DCP1A: variants seen among roughly 807,000 people sequenced by gnomAD.
DCP1A encodes decapping mRNA 1A.
Under a neutral mutation model 58.0 loss-of-function variants are expected in DCP1A, and 20 were observed. The observed-to-expected ratio is 0.34, with a 90% CI of 0.24 to 0.50. DCP1A has a LOEUF of 0.50. Ranked by LOEUF, DCP1A falls within the 20% of genes least tolerant of loss-of-function variation. The pLI is 0.98. For synonymous variants in DCP1A, 285 were observed against 275.1 expected, an observed-to-expected ratio of 1.04 and a Z score of -0.36; for missense variants, 613 against 712.2, an observed-to-expected ratio of 0.86 and a Z score of 1.59.
chr3:53,338,378 T>C (rs2089150740), intron 3 of DCP1A, among the ~76,000 whole-genome samples: 1 of 147,526 alleles, frequency 6.8e-6, no homozygotes, highest in Admixed American at 6.7e-5. Flanking sequence ...AGCCCAGGAG[T>C]TCAAGACCAG....
intron 4 of DCP1A, among the ~76,000 whole-genome samples, chr3:53,317,484 A>G (rs556416302): frequency 4.3e-4 from 65 of 152,180 alleles, no homozygotes; most frequent in Non-Finnish European, 1.3e-4. Flanking sequence ...TCTTCTAGGT[A>G]ACCACAAGTA....
chr3:53,298,342 G>A (rs1036245365), intron 6 of DCP1A, among the ~76,000 whole-genome samples: 8 of 152,168 alleles, frequency 5.3e-5, no homozygotes, highest in East Asian at 1.9e-4. Context: ...TAACTACTGC[G>A]AGGCCAGACA....
In DCP1A at chr3:53,332,301, T is replaced by A. The variant is rs568515514; in HGVS notation, c.304+9843A>T. On this transcript the variant is annotated intron_variant, in intron 3 of 9. Coordinates refer to ENST00000610213, the MANE Select transcript of DCP1A (RefSeq NM_018403.7). ...TTTTTAGTCTATTGGCCCAATTATT[T>A]TATTTATGAGTCCATTCAAATCTAT... is the stretch of plus-strand genomic sequence containing the variant. 2.6e-5 allele frequency among the ~76,000 whole-genome samples: 4 copies of A among 152,350 alleles called. No individual in the cohort carries two copies. In the South Asian group the frequency reaches 8.3e-4, roughly 32 times the overall value.
chr3:53,296,372 T>C (rs1305509922), intron 6 of DCP1A, among the ~76,000 whole-genome samples: 3 of 152,194 alleles, frequency 2.0e-5, no homozygotes, highest in African/African-American at 7.2e-5. Flanking sequence ...GACACAGCTG[T>C]CTGGTAATAT....
At chr3:53,307,833 A>G (rs1350794279) in intron 5 of DCP1A, among the ~76,000 whole-genome samples, 1 of 152,234 alleles carries the variant, frequency 6.6e-6, no homozygotes, top group African/African-American at 2.4e-5. Context: ...ATTTAGCTAT[A>G]AGGATATATC....
At chr3:53,318,050 T>C (rs1156662906) in intron 4 of DCP1A, among the ~76,000 whole-genome samples, 1 of 152,250 alleles carries the variant, frequency 6.6e-6, no homozygotes, top group Non-Finnish European at 1.5e-5. Context: ...ACGCCTATAA[T>C]CCCAGCACTT....
intron 5 of DCP1A, among the ~76,000 whole-genome samples, chr3:53,304,588 TC>T (rs1335726360): frequency 6.6e-6 from 1 of 152,200 alleles, no homozygotes; most frequent in Non-Finnish European, 1.5e-5. Flanking sequence ...TATTTGTTTT[TC>T]CAAGATGGAG....
intron 4 of DCP1A, 120 bp from the exon 5 acceptor site, chr3:53,312,499 T>C (rs1236032277): frequency 4.2e-5 from 36 of 856,568 alleles, no homozygotes; most frequent in South Asian, 3.2e-4. Context: ...ATTCTTCTTT[T>C]TTTTTTTTTT....
At position 53,292,573 on chromosome 3, in the gene DCP1A, T is replaced by C. The variant is rs1706941702; in HGVS notation, c.879A>G (p.Leu293=). The C allele has an allele frequency of 6.2e-7, 1 of 1,613,910 alleles. No homozygotes were observed. The highest frequency in any genetic ancestry group is 8.5e-7 in the Non-Finnish European group (1 of 1,179,868). The change falls in exon 7 of 10, where the codon CTA becomes CTG. Residue 293 remains leucine, a synonymous_variant. Transcript: ENST00000610213. ...ACTGTGTGATGGAGGCTGGAGTGAT[T>C]AGCACCGGGGTGGTGATTTCAGGCT... The part of the protein sequence containing the change: ...SVQPEITTPV[L]ITPASITQSN...
intron 4 of DCP1A, among the ~76,000 whole-genome samples, chr3:53,316,376 A>T (rs1456771923): frequency 6.6e-6 from 1 of 152,150 alleles, no homozygotes; most frequent in Non-Finnish European, 1.5e-5. Context: ...CTTCAGCTAT[A>T]AATAGGCCAG....
chr3:53,295,698 T>C (rs1297156843), intron 6 of DCP1A, among the ~76,000 whole-genome samples: 2 of 152,154 alleles, frequency 1.3e-5, no homozygotes, highest in Non-Finnish European at 2.9e-5. Flanking sequence ...ATGATCAGTT[T>C]ATTTTTAAAT....
At chr3:53,315,478 A>G (rs7374211) in intron 4 of DCP1A, among the ~76,000 whole-genome samples, 118,027 of 148,118 alleles carry the variant, frequency 0.8, 47,755 homozygotes, top group African/African-American at 0.92. Context: ...GGCGGAGGTT[A>G]CAGTGAACCC....
At chr3:53,293,735 C>T (rs937488911) in intron 6 of DCP1A, among the ~76,000 whole-genome samples, 1 of 152,258 alleles carries the variant, frequency 6.6e-6, no homozygotes, top group East Asian at 1.9e-4. Context: ...AAGTACACTG[C>T]AAATTAGTAT....
chr3:53,297,222 T>C (rs1707157048), intron 6 of DCP1A, among the ~76,000 whole-genome samples: 1 of 152,214 alleles, frequency 6.6e-6, no homozygotes, highest in South Asian at 2.1e-4. Flanking sequence ...TTTGTATACC[T>C]TATATGGAGA....
rs1417810585 is a variant in DCP1A at position 53,327,797 on chromosome 3, AC to A, written c.305-8325del. Among the ~76,000 whole-genome samples the A allele has an allele frequency of 1.8e-3, 148 of 84,342 alleles. 1 individual carries two copies. The highest frequency in any genetic ancestry group is 5.4e-3 in the African/African-American group (147 of 27,134). 55.3% of individuals were successfully genotyped at this position (84,342 alleles called of 152,430 possible). On this transcript the variant is annotated intron_variant, in intron 3 of 9. Coordinates refer to ENST00000610213, the MANE Select transcript of DCP1A (RefSeq NM_018403.7). ...CAGAGCAAGATTCCACCTCAAAAAA[AC>A]AAAACAAAACAACAACAAAAAAACA...
At chr3:53,315,641 C>A (rs1707780235) in intron 4 of DCP1A, among the ~76,000 whole-genome samples, 1 of 151,182 alleles carries the variant, frequency 6.6e-6, no homozygotes, top group Non-Finnish European at 1.5e-5. Context: ...CACCACTGAC[C>A]AGAGAATATA....
At chr3:53,336,844 A>AGATTTATT (rs1559706043) in intron 3 of DCP1A, among the ~76,000 whole-genome samples, 6 of 124,574 alleles carry the variant, frequency 4.8e-5, no homozygotes, top group Non-Finnish European at 5.2e-5. Context: ...CCCAAAGCCC[A>AGATTTATT]GATTTATTTA....
intron 3 of DCP1A, among the ~76,000 whole-genome samples, chr3:53,335,304 C>T (rs1553691773): frequency 6.6e-6 from 1 of 152,006 alleles, no homozygotes; most frequent in East Asian, 1.9e-4. Flanking sequence ...CCAGGCCCAG[C>T]TAATTTTTGT....
At chr3:53,299,257 G>C (rs1707234412) in intron 6 of DCP1A, among the ~76,000 whole-genome samples, 1 of 152,188 alleles carries the variant, frequency 6.6e-6, no homozygotes, top group Non-Finnish European at 1.5e-5. Context: ...CCCTCCTCTA[G>C]TAGCTGGGCT....
Sources: gnomAD v4.1 joint callset for allele counts (sites outside exome capture counted in the v4.1 genomes callset) on GRCh38, gnomAD v4.1.1 for gene constraint, MANE v1.5 for transcripts, NCBI Gene and HGNC (gene_info 2026-07-23, HGNC 2026-07-21) for gene names.